The following GRIN2A variants were observed in gnomAD, a reference collection of about 807,000 sequenced individuals.
The protein encoded by GRIN2A is glutamate receptor ionotropic, NMDA 2A.
Under a neutral mutation model 113.4 loss-of-function variants are expected in GRIN2A, and 22 were observed. That is an observed-to-expected ratio of 0.19 (90% CI 0.14 to 0.28). The LOEUF is 0.28. GRIN2A is among the 10% of genes least tolerant of loss of function. GRIN2A has a pLI of 1.00. For synonymous variants in GRIN2A, 827 were observed against 738.4 expected, an observed-to-expected ratio of 1.12 and a Z score of -1.94; for missense variants, 1,502 against 1,887.0, an observed-to-expected ratio of 0.80 and a Z score of 3.78.
At chr16:10,044,050 GAGAC>G (rs1391540308) in intron 2 of GRIN2A, among the ~76,000 whole-genome samples, 272 of 147,310 alleles carry the variant, frequency 1.8e-3, no homozygotes, top group African/African-American at 6.2e-3. Context: ...GAGAGAGACA[GAGAC>G]AGAGACAGAG....
chr16:10,115,658 C>T (rs953780657), intron 2 of GRIN2A, among the ~76,000 whole-genome samples: 2 of 152,216 alleles, frequency 1.3e-5, no homozygotes, highest in African/African-American at 4.8e-5. Flanking sequence ...ACCAGATATT[C>T]CTGAGACCCA....
chr16:9,882,755 A>ACTCATATTGT (rs2043505870), intron 4 of GRIN2A, among the ~76,000 whole-genome samples: 1 of 152,204 alleles, frequency 6.6e-6, no homozygotes, highest in Non-Finnish European at 1.5e-5. Flanking sequence ...CCTGCACTCC[A>ACTCATATTGT]GCCTGGTAAC....
At chr16:9,953,949 C>T (rs1373061359) in intron 2 of GRIN2A, among the ~76,000 whole-genome samples, 1 of 151,120 alleles carries the variant, frequency 6.6e-6, no homozygotes, top group East Asian at 1.9e-4. Flanking sequence ...CTGCCCCATG[C>T]TTCTTCTCAA....
rs184894996 is a variant in GRIN2A, at chr16:9,951,676, G to T, written c.415-13125C>A. On this transcript the variant is annotated intron_variant, in intron 2 of 12. Coordinates refer to ENST00000330684, the MANE Select transcript of GRIN2A (RefSeq NM_001134407.3). ...GGGAGAGATTTTAACAGAAAAAAAT[G>T]ATGGTTTGTTTTTTTCTCCGAAGTG... 3.5e-3 allele frequency among the ~76,000 whole-genome samples: 531 copies of T among 152,258 alleles called. 3 individuals are homozygous for T. Among genetic ancestry groups the T allele is most frequent in the Non-Finnish European group, 4.0e-3 (274 of 68,016 alleles).
intron 4 of GRIN2A, among the ~76,000 whole-genome samples, chr16:9,871,714 A>G (rs2141427263): frequency 6.6e-6 from 1 of 152,306 alleles, no homozygotes; most frequent in East Asian, 1.9e-4. Flanking sequence ...TGAACATAAA[A>G]TGTGGTAATG....
At chr16:9,996,488 G>A (rs999161921) in intron 2 of GRIN2A, among the ~76,000 whole-genome samples, 5 of 152,238 alleles carry the variant, frequency 3.3e-5, no homozygotes, top group African/African-American at 9.6e-5. Flanking sequence ...CGTTAAGGGA[G>A]AAAATTAATT....
At chr16:9,853,602 A>G (rs1265742830) in intron 4 of GRIN2A, among the ~76,000 whole-genome samples, 1 of 152,150 alleles carries the variant, frequency 6.6e-6, no homozygotes, top group Non-Finnish European at 1.5e-5. Context: ...TGTTACAGCA[A>G]CCCAAATGGA....
At chr16:10,092,703 G>A (rs2048203553) in intron 2 of GRIN2A, among the ~76,000 whole-genome samples, 1 of 152,120 alleles carries the variant, frequency 6.6e-6, no homozygotes, top group Admixed American at 6.5e-5. Flanking sequence ...GATGGGTTAA[G>A]TGACTTGTCC....
intron 4 of GRIN2A, among the ~76,000 whole-genome samples, chr16:9,886,854 A>G (rs568330456): frequency 7.6e-4 from 116 of 152,134 alleles, no homozygotes; most frequent in Admixed American, 2.7e-3. Flanking sequence ...CTGTTAGTTA[A>G]TTGTGCTGGG....
chr16:10,177,336 G>C (rs1461519550), intron 2 of GRIN2A, among the ~76,000 whole-genome samples: 1 of 152,032 alleles, frequency 6.6e-6, no homozygotes, highest in Non-Finnish European at 1.5e-5. Context: ...TCCACATGGG[G>C]ACCAGACATA....
chr16:9,963,269 TA>T (rs961144523), intron 2 of GRIN2A, among the ~76,000 whole-genome samples: 14 of 151,674 alleles, frequency 9.2e-5, no homozygotes, highest in Non-Finnish European at 1.3e-4. Flanking sequence ...TAAAGTATAA[TA>T]AAAAAAAATT....
chr16:9,771,757 G>T (rs1418346550), intron 11 of GRIN2A, among the ~76,000 whole-genome samples: 2 of 152,238 alleles, frequency 1.3e-5, no homozygotes, highest in African/African-American at 4.8e-5. Context: ...TTCTGGGTTT[G>T]CTTCTGCCAT....
At chr16:10,133,990 C>T (rs966354522) in intron 2 of GRIN2A, among the ~76,000 whole-genome samples, 3 of 151,948 alleles carry the variant, frequency 2.0e-5, no homozygotes, top group Non-Finnish European at 4.4e-5. Flanking sequence ...GGAGACCAAC[C>T]TGGACAACGT....
chr16:9,870,148 A>G (rs2043231117), intron 4 of GRIN2A, among the ~76,000 whole-genome samples: 1 of 152,218 alleles, frequency 6.6e-6, no homozygotes, highest in South Asian at 2.1e-4. Flanking sequence ...TCCTGCCAAA[A>G]GCCACTTGGT....
intron 2 of GRIN2A, among the ~76,000 whole-genome samples, chr16:10,167,268 G>C (rs914362097): frequency 1.1e-4 from 17 of 152,142 alleles, no homozygotes; most frequent in African/African-American, 3.6e-4. Flanking sequence ...GCCTTCATTA[G>C]ATTTTAAAGT....
At chr16:10,008,447 G>C (rs1408096385) in intron 2 of GRIN2A, among the ~76,000 whole-genome samples, 1 of 152,196 alleles carries the variant, frequency 6.6e-6, no homozygotes, top group Non-Finnish European at 1.5e-5. Context: ...TACTGCTGTT[G>C]TTTTGTAGAG....
intron 2 of GRIN2A, among the ~76,000 whole-genome samples, chr16:10,002,132 G>A (rs1204318712): frequency 2.6e-5 from 4 of 152,110 alleles, no homozygotes; most frequent in Non-Finnish European, 2.9e-5. Flanking sequence ...TCTCTGAGAT[G>A]GCCTCATGTA....
At chr16:9,866,893 G>T (rs979705379) in intron 4 of GRIN2A, among the ~76,000 whole-genome samples, 1 of 151,914 alleles carries the variant, frequency 6.6e-6, no homozygotes, top group Non-Finnish European at 1.5e-5. Context: ...TTCCCATGGG[G>T]GAAATTCACT....
chr16:10,037,290 C>T (rs1329013583), intron 2 of GRIN2A: 1 of 152,178 alleles, frequency 6.6e-6, no homozygotes, highest in Non-Finnish European at 1.5e-5. Flanking sequence ...AAAAACGACC[C>T]TGTTGTATAA....
Sources: gnomAD v4.1 joint callset for allele counts (sites outside exome capture counted in the v4.1 genomes callset) on GRCh38, gnomAD v4.1.1 for gene constraint, MANE v1.5 for transcripts, NCBI Gene and HGNC (gene_info 2026-07-23, HGNC 2026-07-21) for gene names.